The following SMAD6 variants were observed in gnomAD, a reference collection of about 807,000 sequenced individuals.
SMAD6 encodes the protein MAD homolog 6.
In SMAD6, 103 loss-of-function variants were observed where a neutral mutation model predicts 39.4. The ratio of observed to expected loss-of-function variants is 2.62; its 90% CI spans 2.23 to 3.08. The LOEUF (loss-of-function observed/expected upper bound fraction) is 3.08. Ranked by LOEUF, SMAD6 falls within the 30% of genes most tolerant of loss-of-function variation. The pLI is 0.00. For missense variants in SMAD6, 1,104 were observed against 742.9 expected, an observed-to-expected ratio of 1.49 and a Z score of -5.65; for synonymous variants, 445 against 353.3, an observed-to-expected ratio of 1.26 and a Z score of -2.91.
chr15:66,703,979 C>A lies in SMAD6; in HGVS notation c.721C>A (p.Leu241Met). Reference protein sequence around the residue: ...RWPDLQHAVELKPLCGCHSFA... With the variant: ...RWPDLQHAVEMKPLCGCHSFA... ...GCCCGACCTGCAGCACGCCGTGGAG[C>A]TGAAGCCCCTGTGCGGCTGCCACAG... is the stretch of plus-strand genomic sequence containing the variant. The change falls in exon 1 of 4, where the codon CTG (leucine) becomes ATG (methionine). Residue 241 changes from leucine to methionine, a missense_variant. Leu to Met is a conservative substitution (Grantham distance 15). Coordinates refer to ENST00000288840, the MANE Select transcript of SMAD6 (RefSeq NM_005585.5). The A allele has an allele frequency of 6.8e-7, 1 of 1,470,368 alleles. No homozygotes were observed. The highest frequency in any genetic ancestry group is 9.0e-7 in the Non-Finnish European group (1 of 1,116,318). 91.1% of individuals were successfully genotyped at this position (1,470,368 alleles called of 1,614,324 possible). A position where few individuals can be genotyped will look rare whatever the true frequency, so the allele number is the denominator to read the frequency against.
rs368539883 is a variant in SMAD6 at position 66,721,673 on chromosome 15, G to A, written c.952+5175G>A. Among the ~76,000 whole-genome samples, 85 of 152,324 alleles carry A rather than the reference G, an allele frequency of 5.6e-4. 2 individuals carry two copies. In the South Asian group the frequency reaches 0.016, roughly 29 times the overall value. On this transcript the variant is annotated intron_variant, in intron 3 of 3. Coordinates refer to ENST00000288840, the MANE Select transcript of SMAD6 (RefSeq NM_005585.5). Reference sequence around the variant, plus strand: ...AGTGGTGAGGGTTAAATGAGATGATGCCTGTGAGTCAGCCAAGGCCTGTCA... The same window carrying A: ...AGTGGTGAGGGTTAAATGAGATGATACCTGTGAGTCAGCCAAGGCCTGTCA...
intron 3 of SMAD6, among the ~76,000 whole-genome samples, chr15:66,756,833 G>A (rs1187126441): frequency 6.6e-6 from 1 of 152,230 alleles, no homozygotes; most frequent in Non-Finnish European, 1.5e-5. Context: ...TGAGGGTGGA[G>A]GATGGGAGGG....
rs767047936 is a variant in SMAD6 at position 66,781,477 on chromosome 15, G to T, written c.1433G>T (p.Arg478Leu). 5 of 1,599,504 alleles carry T rather than the reference G, an allele frequency of 3.1e-6. No homozygotes were observed. Among genetic ancestry groups the T allele is most frequent in the Non-Finnish European group, 3.4e-6 (4 of 1,175,316 alleles). ...FAKGWGPCYSRQFITSCPCWL... is the reference protein window; with the variant it reads ...FAKGWGPCYSLQFITSCPCWL... ...AAGGGCTGGGGGCCCTGCTACTCCCGGCAGTTCATCACCTCCTGCCCCTGC... is the reference window on the plus strand; with the variant it reads ...AAGGGCTGGGGGCCCTGCTACTCCCTGCAGTTCATCACCTCCTGCCCCTGC... The change falls in exon 4 of 4, where the codon CGG becomes CTG. Residue 478 changes from arginine (R) to leucine (L), a missense_variant. By Grantham distance (102) the Arg-to-Leu change is moderately radical (BLOSUM62 -2). Transcript: ENST00000288840.
At chr15:66,738,457 A>G (rs1893752588) in intron 3 of SMAD6, among the ~76,000 whole-genome samples, 1 of 152,204 alleles carries the variant, frequency 6.6e-6, no homozygotes, top group Non-Finnish European at 1.5e-5. Context: ...ACGATCCTCC[A>G]GGAAGTTTGG....
intron 3 of SMAD6, among the ~76,000 whole-genome samples, chr15:66,774,780 TCTTGTGCCTCTTCC>T: frequency 6.6e-6 from 1 of 152,334 alleles, no homozygotes; most frequent in South Asian, 2.1e-4. Context: ...TGGAAAGTTC[TCTTGTGCCTCTTCC>T]CAGCTGTCTC....
At chr15:66,767,227 A>T (rs1285071690) in intron 3 of SMAD6, among the ~76,000 whole-genome samples, 1 of 152,196 alleles carries the variant, frequency 6.6e-6, no homozygotes, top group Non-Finnish European at 1.5e-5. Flanking sequence ...GGCTTGTAGA[A>T]TTGGGAAACC....
chr15:66,717,532 C>T (rs150757058), intron 3 of SMAD6: 9 of 439,878 alleles, frequency 2.0e-5, no homozygotes, highest in African/African-American at 1.6e-4. Context: ...ATGTATTTCC[C>T]CTAAAGTCCT....
Position 66,781,610 on chromosome 15 carries a change from C to T in SMAD6, c.*75C>T. 8.8e-7 allele frequency: 1 copy of T among 1,139,692 alleles called. No homozygotes were observed. The highest frequency in any genetic ancestry group is 1.7e-5 in the South Asian group (1 of 58,554). 70.6% of individuals were successfully genotyped at this position (1,139,692 alleles called of 1,614,324 possible). A position where few individuals can be genotyped will look rare whatever the true frequency, so the allele number is the denominator to read the frequency against. On this transcript the variant is annotated 3_prime_UTR_variant, in exon 4 of 4. Coordinates refer to ENST00000288840, the MANE Select transcript of SMAD6 (RefSeq NM_005585.5). ...TGCCGGCCTCGAGAGGGGCCGATGC[C>T]CAGAGACACAGCCCCCACGGACAAA...
chr15:66,749,511 A>C (rs1483909741), intron 3 of SMAD6, among the ~76,000 whole-genome samples: 2 of 152,110 alleles, frequency 1.3e-5, no homozygotes, highest in Admixed American at 1.3e-4. Flanking sequence ...GCACCTACCC[A>C]GGAGGCTGAG....
intron 3 of SMAD6, among the ~76,000 whole-genome samples, chr15:66,727,202 A>T (rs1489721954): frequency 6.6e-6 from 1 of 151,618 alleles, no homozygotes; most frequent in East Asian, 1.9e-4. Flanking sequence ...TGCCAGGTTC[A>T]AGTGATTCTC....
intron 3 of SMAD6, among the ~76,000 whole-genome samples, chr15:66,778,966 C>T (rs566366948): frequency 2.0e-5 from 3 of 152,350 alleles, no homozygotes; most frequent in East Asian, 3.9e-4. Context: ...CTGACACACT[C>T]GTGGAATTCT....
intron 3 of SMAD6, among the ~76,000 whole-genome samples, chr15:66,765,218 C>T (rs1190732074): frequency 6.6e-6 from 1 of 152,024 alleles, no homozygotes; most frequent in African/African-American, 2.4e-5. Context: ...TGCTGTGGCT[C>T]AGGCTCAGGA....
At chr15:66,758,598 G>A (rs188645272) in intron 3 of SMAD6, among the ~76,000 whole-genome samples, 1 of 152,216 alleles carries the variant, frequency 6.6e-6, no homozygotes, top group Admixed American at 6.5e-5. Flanking sequence ...CACGGTTGCA[G>A]GCATGTATAG....
intron 3 of SMAD6, among the ~76,000 whole-genome samples, chr15:66,719,369 G>A (rs547200461): frequency 3.3e-5 from 5 of 152,344 alleles, no homozygotes; most frequent in African/African-American, 9.6e-5. Context: ...AGGGGCTAGC[G>A]AGGGTGCAGG....
intron 3 of SMAD6, among the ~76,000 whole-genome samples, chr15:66,750,884 G>A (rs952972322): frequency 2.6e-5 from 4 of 152,152 alleles, no homozygotes; most frequent in African/African-American, 4.8e-5. Context: ...CCCCTAGCAG[G>A]CAGGGCGAGT....
intron 3 of SMAD6, among the ~76,000 whole-genome samples, chr15:66,739,857 C>G (rs1893782677): frequency 6.6e-6 from 1 of 152,122 alleles, no homozygotes; most frequent in African/African-American, 2.4e-5. Context: ...CCAGGGTAGC[C>G]TCGAACTATG....
chr15:66,702,913 G>T lies in SMAD6; in HGVS notation c.-346G>T, dbSNP rs1893004311. 9.4e-6 allele frequency: 2 copies of T among 213,508 alleles called. No homozygotes were observed. Among genetic ancestry groups the T allele is most frequent in the African/African-American group, 2.3e-5 (1 of 43,838 alleles). The allele number at this position is 213,508 out of a possible 1,614,324, so 13.2% of individuals were successfully genotyped here. ...CCAGCCGCACAACTTTTGAAGGCTC[G>T]CCGGCCCATGTGGGGTCTTTCTGGC... On this transcript the variant is annotated 5_prime_UTR_variant, in exon 1 of 4. Transcript: ENST00000288840.
chr15:66,730,503 G>A (rs1489434356), intron 3 of SMAD6, among the ~76,000 whole-genome samples: 2 of 152,212 alleles, frequency 1.3e-5, no homozygotes, highest in East Asian at 1.9e-4. Context: ...CTTTTGGGCA[G>A]GACCTTGGTC....
chr15:66,717,179 G>A, intron 3 of SMAD6: 1 of 1,275,046 alleles, frequency 7.8e-7, no homozygotes, highest in Non-Finnish European at 1.0e-6. Flanking sequence ...CCAGGACCAA[G>A]GTCTGTGGGG....
Sources: gnomAD v4.1 joint callset for allele counts (sites outside exome capture counted in the v4.1 genomes callset) on GRCh38, gnomAD v4.1.1 for gene constraint, MANE v1.5 for transcripts, NCBI Gene and HGNC (gene_info 2026-07-23, HGNC 2026-07-21) for gene names.